The following MAGI1 variants were observed in gnomAD, a reference collection of about 807,000 sequenced individuals.
MAGI1 encodes membrane associated guanylate kinase, WW and PDZ domain containing 1.
A neutral mutation model predicts 139.9 loss-of-function variants in MAGI1; 58 were observed. That is an observed-to-expected ratio of 0.41 (90% confidence interval 0.34 to 0.52). The LOEUF (loss-of-function observed/expected upper bound fraction) is 0.52, where lower values mean the gene tolerates loss of function less well. Among genes scored for constraint, MAGI1 ranks in the 20% least tolerant of loss-of-function variants. The pLI is 0.12. For synonymous variants in MAGI1, 812 were observed against 737.9 expected, an observed-to-expected ratio of 1.10 and a Z score of -1.63; for missense variants, 1,874 against 1,901.6, an observed-to-expected ratio of 0.99 and a Z score of 0.27.
At chr3:65,447,967 A>T in intron 7 of MAGI1, 55 bp downstream of exon 7, 2 of 1,590,172 alleles carry the variant, frequency 1.3e-6, no homozygotes, top group Non-Finnish European at 1.7e-6. Context: ...GAAGAAAACC[A>T]TGCAGGCCAT....
At chr3:65,893,802 G>GA (rs1273836350) in intron 1 of MAGI1, 1 of 152,192 alleles carries the variant, frequency 6.6e-6, no homozygotes. Flanking sequence ...TGTGAGTCAG[G>GA]AATTTGTACA....
chr3:65,678,977 C>T (rs376848774), intron 1 of MAGI1, among the ~76,000 whole-genome samples: 4 of 152,210 alleles, frequency 2.6e-5, no homozygotes, highest in African/African-American at 9.6e-5. Flanking sequence ...GAATAATGGG[C>T]GTAAATAGTG....
chr3:65,430,525 T>C (rs1030747420), intron 11 of MAGI1, among the ~76,000 whole-genome samples, 174 bp downstream of exon 11: 4 of 152,152 alleles, frequency 2.6e-5, no homozygotes, highest in African/African-American at 9.7e-5. Context: ...TCCCAAGGGA[T>C]GAATTTATGT....
At chr3:66,025,682 G>A (rs551226806) in intron 1 of MAGI1, among the ~76,000 whole-genome samples, 1 of 152,206 alleles carries the variant, frequency 6.6e-6, no homozygotes, top group South Asian at 2.1e-4. Flanking sequence ...GTATATGTTT[G>A]TGTTTCTGTT....
At chr3:65,764,890 C>T (rs1197119594) in intron 1 of MAGI1, among the ~76,000 whole-genome samples, 1 of 152,134 alleles carries the variant, frequency 6.6e-6, no homozygotes, top group Non-Finnish European at 1.5e-5. Flanking sequence ...TTGTTTTGTC[C>T]TTTTTCACTT....
At chr3:65,989,500 G>A (rs12715597) in intron 1 of MAGI1, among the ~76,000 whole-genome samples, 18,367 of 152,118 alleles carry the variant, frequency 0.12, 1,610 homozygotes, top group African/African-American at 0.25. Context: ...GGAGTGGTAC[G>A]TGAGATGAAT....
intron 2 of MAGI1, among the ~76,000 whole-genome samples, chr3:65,610,599 T>C (rs541738273): frequency 2.0e-5 from 3 of 151,644 alleles, no homozygotes; most frequent in South Asian, 4.2e-4. Context: ...ATAAGGAATA[T>C]GTATCCCTCA....
chr3:65,470,243 AAGAG>A (rs572319957), intron 5 of MAGI1, 36 bp downstream of exon 5: 26 of 1,427,324 alleles, frequency 1.8e-5, no homozygotes, highest in East Asian at 4.6e-5. Context: ...AGGGAAAAGA[AAGAG>A]AGAGAGATTT....
intron 13 of MAGI1, among the ~76,000 whole-genome samples, chr3:65,400,044 A>G (rs1413470911): frequency 6.6e-6 from 1 of 152,114 alleles, no homozygotes; most frequent in African/African-American, 2.4e-5. Context: ...TGCTAACTCA[A>G]GCTTATGAGA....
At chr3:65,679,513 A>C (rs755769101) in intron 1 of MAGI1, among the ~76,000 whole-genome samples, 37 of 152,134 alleles carry the variant, frequency 2.4e-4, no homozygotes, top group Non-Finnish European at 5.1e-4. Flanking sequence ...CAGTGAGCCA[A>C]GATCATGCCA....
At chr3:65,826,188 G>A (rs2042220574) in intron 1 of MAGI1, among the ~76,000 whole-genome samples, 1 of 152,004 alleles carries the variant, frequency 6.6e-6, no homozygotes, top group South Asian at 2.1e-4. Context: ...GATTATGACT[G>A]AATTCTGTTT....
intron 1 of MAGI1, among the ~76,000 whole-genome samples, chr3:65,724,517 G>T (rs2033396021): frequency 6.6e-6 from 1 of 152,100 alleles, no homozygotes; most frequent in Non-Finnish European, 1.5e-5. Context: ...CTGAAAAGAG[G>T]GCTTTTCCCG....
intron 1 of MAGI1, among the ~76,000 whole-genome samples, chr3:66,012,226 C>A (rs2067359629): frequency 6.6e-6 from 1 of 152,064 alleles, no homozygotes; most frequent in South Asian, 2.1e-4. Flanking sequence ...TTTAAGTAAA[C>A]TTTTCTTGGA....
At chr3:65,856,308 A>G (rs1358241761) in intron 1 of MAGI1, among the ~76,000 whole-genome samples, 17 of 128,126 alleles carry the variant, frequency 1.3e-4, no homozygotes, top group Non-Finnish European at 1.8e-5. Flanking sequence ...CTCCCTGTAT[A>G]CTCATAACTT....
At chr3:65,579,847 C>CA (rs11398879) in intron 2 of MAGI1, among the ~76,000 whole-genome samples, 50,732 of 122,640 alleles carry the variant, frequency 0.41, 10,199 homozygotes, top group East Asian at 0.62. Flanking sequence ...AACTCCATCT[C>CA]AAAAAAAAAA....
At chr3:65,950,958 G>C (rs1313036408) in intron 1 of MAGI1, among the ~76,000 whole-genome samples, 1 of 116,130 alleles carries the variant, frequency 8.6e-6, no homozygotes, top group African/African-American at 3.4e-5. Flanking sequence ...TGAGAAGAAA[G>C]AGAAGGAAGG....
intron 2 of MAGI1, among the ~76,000 whole-genome samples, chr3:65,579,691 C>CA (rs112956513): frequency 0.14 from 20,877 of 151,812 alleles, 1,713 homozygotes; most frequent in Middle Eastern, 0.19. Context: ...ACTAAAAATG[C>CA]AAAAAAGTAG....
chr3:65,506,343 G>A (rs1052147822), intron 2 of MAGI1, among the ~76,000 whole-genome samples: 3 of 152,206 alleles, frequency 2.0e-5, no homozygotes, highest in South Asian at 2.1e-4. Context: ...ATCTGCCCAC[G>A]CCCGCCCCCA....
intron 1 of MAGI1, among the ~76,000 whole-genome samples, chr3:65,798,572 TG>T (rs1242184378): frequency 3.3e-5 from 5 of 152,188 alleles, no homozygotes; most frequent in African/African-American, 7.2e-5. Flanking sequence ...AAGGATGCTC[TG>T]GGTTTCCTTA....
Sources: allele counts gnomAD v4.1 joint callset (sites outside exome capture counted in the v4.1 genomes callset), GRCh38; gene constraint gnomAD v4.1.1; transcripts MANE v1.5; gene names NCBI Gene and HGNC (gene_info 2026-07-23, HGNC 2026-07-21).